CHN2: variants seen among roughly 807,000 people sequenced by gnomAD.
CHN2 encodes the protein beta-chimaerin.
A neutral mutation model predicts 56.3 loss-of-function variants in CHN2; 35 were observed. The observed-to-expected ratio is 0.62, with a 90% CI of 0.47 to 0.82. CHN2 has a LOEUF of 0.82. CHN2 is among the 40% of genes least tolerant of loss of function. The pLI, the probability that CHN2 is intolerant of heterozygous loss-of-function variation, is 0.00. For synonymous variants in CHN2, 210 were observed against 212.8 expected (o/e 0.99, Z 0.12); for missense variants, 491 against 580.5 (o/e 0.85, Z 1.58).
In CHN2 at chr7:29,183,722, G is replaced by A. The variant is rs557553185; in HGVS notation, c.274+36762G>A. On this transcript the variant is annotated intron_variant, in intron 2 of 6. Transcript: ENST00000439384. Reference sequence around the variant, plus strand: ...ATTGGTGGCATTCTCTAGAGAAAGAGAACCAATAAGAGAGATATATAGAAG... The same window carrying A: ...ATTGGTGGCATTCTCTAGAGAAAGAAAACCAATAAGAGAGATATATAGAAG... Among the ~76,000 whole-genome samples the A allele has an allele frequency of 1.1e-4, 17 of 152,142 alleles. No homozygotes were observed. In the South Asian group the frequency reaches 3.5e-3, roughly 32 times the overall value.
intron 10 of CHN2, 42 bp downstream of exon 10, chr7:29,504,863 C>T: frequency 7.3e-7 from 1 of 1,364,824 alleles, no homozygotes; most frequent in South Asian, 1.2e-5. Context: ...CATCCTAACA[C>T]CCTTCTCGAT....
At chr7:29,377,635 AG>A (rs1447270145) in intron 3 of CHN2, among the ~76,000 whole-genome samples, 2 of 99,738 alleles carry the variant, frequency 2.0e-5, no homozygotes, top group Non-Finnish European at 4.3e-5. Flanking sequence ...AATAAAAGCC[AG>A]TCCAGAGCAG....
chr7:29,475,611 A>T (rs918534746), intron 6 of CHN2, among the ~76,000 whole-genome samples: 1 of 152,258 alleles, frequency 6.6e-6, no homozygotes, highest in African/African-American at 2.4e-5. Flanking sequence ...AGGTGAAAAC[A>T]GTCTAAATGT....
intron 6 of CHN2, among the ~76,000 whole-genome samples, chr7:29,402,699 G>C (rs74828335): frequency 0.033 from 5,010 of 152,258 alleles, 281 homozygotes; most frequent in African/African-American, 0.11. Context: ...GAGAGCAGGA[G>C]GAGTGTCTCT....
At chr7:29,167,654 T>C (rs1796086292) in intron 2 of CHN2, among the ~76,000 whole-genome samples, 1 of 152,360 alleles carries the variant, frequency 6.6e-6, no homozygotes, top group East Asian at 1.9e-4. Flanking sequence ...TTTTTATTGC[T>C]CTACATCTTC....
intron 1 of CHN2, among the ~76,000 whole-genome samples, chr7:29,236,396 A>T (rs1787197392): frequency 6.6e-6 from 1 of 152,218 alleles, no homozygotes; most frequent in Non-Finnish European, 1.5e-5. Flanking sequence ...CAGTAAATAC[A>T]TTGGTTGTCC....
chr7:29,342,201 GGGATGGCT>G (rs1478483378), intron 1 of CHN2, among the ~76,000 whole-genome samples: 6 of 152,090 alleles, frequency 3.9e-5, no homozygotes, highest in African/African-American at 1.2e-4. Context: ...GATGGATGAG[GGGATGGCT>G]GGATGGCTGG....
intron 2 of CHN2, among the ~76,000 whole-genome samples, chr7:29,162,422 G>A (rs561906083): frequency 1.9e-4 from 29 of 152,276 alleles, no homozygotes; most frequent in African/African-American, 7.0e-4. Context: ...AGCACTTTGG[G>A]AGGCCAAAGC....
At chr7:29,387,799 A>G (rs1801038267) in intron 3 of CHN2, among the ~76,000 whole-genome samples, 1 of 152,218 alleles carries the variant, frequency 6.6e-6, no homozygotes. Context: ...GAGCACTACC[A>G]ACTCAGGTCC....
At chr7:29,351,843 G>A (rs547455027) in intron 1 of CHN2, among the ~76,000 whole-genome samples, 147 of 152,324 alleles carry the variant, frequency 9.7e-4, no homozygotes, top group Middle Eastern at 6.8e-3. Flanking sequence ...TTTATTCCAT[G>A]TGCAGGGAAG....
intron 2 of CHN2, among the ~76,000 whole-genome samples, chr7:29,184,202 AG>A (rs1798428399): frequency 1.4e-5 from 2 of 139,082 alleles, no homozygotes; most frequent in Non-Finnish European, 3.2e-5. Context: ...GATAGATAAA[AG>A]AGATATTTAT....
At chr7:29,358,980 G>A (rs949306095) in intron 2 of CHN2, among the ~76,000 whole-genome samples, 22 of 152,144 alleles carry the variant, frequency 1.4e-4, no homozygotes, top group Non-Finnish European at 5.9e-5. Context: ...CTCTTACTAT[G>A]TTCTTCCCTT....
rs1234395265 is a variant in CHN2, at chr7:29,431,124, T to A, written c.576+30296T>A. On this transcript the variant is annotated intron_variant, in intron 6 of 12. Coordinates refer to ENST00000222792, the MANE Select transcript of CHN2 (RefSeq NM_004067.4). ...AACACCCACAACTCATAGAATATGA[T>A]CAAAGTGCAACTGTCCAATTAAAAC... 2.4e-4 allele frequency among the ~76,000 whole-genome samples: 36 copies of A among 152,098 alleles called. 1 individual carries two copies. The highest frequency in any genetic ancestry group is 2.4e-3 in the Admixed American group (36 of 15,272).
Position 29,431,361 on chromosome 7 carries a change from C to T in CHN2, c.576+30533C>T, listed in dbSNP as rs1231301120. Reference sequence around the variant, plus strand: ...AGTTAAATCTCTCCTCCCTTAGCCACGGCTAACTTCGGGAGGGTGCCTGCT... The same window carrying T: ...AGTTAAATCTCTCCTCCCTTAGCCATGGCTAACTTCGGGAGGGTGCCTGCT... On this transcript the variant is annotated intron_variant, in intron 6 of 12. Transcript: ENST00000222792. Among the ~76,000 whole-genome samples the T allele has an allele frequency of 2.6e-5, 4 of 152,206 alleles. No homozygotes were observed. In the East Asian group the frequency reaches 5.8e-4, roughly 22 times the overall value.
chr7:29,153,790 G>A (rs1278555371), intron 2 of CHN2, among the ~76,000 whole-genome samples: 2 of 152,016 alleles, frequency 1.3e-5, no homozygotes, highest in African/African-American at 2.4e-5. Flanking sequence ...GGCTGGTCTC[G>A]AACTCTTGGC....
At chr7:29,322,702 A>T (rs1795457278) in intron 1 of CHN2, among the ~76,000 whole-genome samples, 1 of 152,196 alleles carries the variant, frequency 6.6e-6, no homozygotes, top group Non-Finnish European at 1.5e-5. Context: ...CCACAAAGGA[A>T]TTATTTACTG....
At chr7:29,485,152 G>T (rs186832332) in intron 7 of CHN2, among the ~76,000 whole-genome samples, 56 of 152,316 alleles carry the variant, frequency 3.7e-4, no homozygotes, top group Admixed American at 3.2e-3. Flanking sequence ...GTGTCTATTT[G>T]CTGTAGCTGG....
At chr7:29,146,754 G>A (rs1277301894) in intron 1 of CHN2, 14 of 1,549,846 alleles carry the variant, frequency 9.0e-6, no homozygotes, top group Non-Finnish European at 1.0e-5. Flanking sequence ...AGGTTGGTTT[G>A]TCCCTTTGTT....
intron 6 of CHN2, among the ~76,000 whole-genome samples, chr7:29,412,320 C>CTTTTTTTTTTTTTT (rs1158746299): frequency 1.4e-5 from 1 of 69,502 alleles, no homozygotes; most frequent in African/African-American, 6.2e-5. Context: ...GCTAAAGAGT[C>CTTTTTTTTTTTTTT]TTTTTTTTTT....
Sources: allele counts gnomAD v4.1 joint callset (sites outside exome capture counted in the v4.1 genomes callset), GRCh38; gene constraint gnomAD v4.1.1; transcripts MANE v1.5; gene names NCBI Gene and HGNC (gene_info 2026-07-23, HGNC 2026-07-21).